The following PPARGC1A variants were observed in gnomAD, a reference collection of about 807,000 sequenced individuals.
The protein encoded by PPARGC1A is peroxisome proliferator-activated receptor gamma coactivator 1-alpha.
In PPARGC1A, 25 loss-of-function variants were observed where a neutral mutation model predicts 88.7. That is an observed-to-expected ratio of 0.28 (90% CI 0.21 to 0.39). The LOEUF is 0.39. Among genes scored for constraint, PPARGC1A ranks in the 10% least tolerant of loss-of-function variants. PPARGC1A has a pLI of 1.00. For missense variants in PPARGC1A, 880 were observed against 968.7 expected, an observed-to-expected ratio of 0.91 and a Z score of 1.22; for synonymous variants, 363 against 355.6, an observed-to-expected ratio of 1.02 and a Z score of -0.24.
chr4:24,305,203 G>A, the PPARGC1A span, among the ~76,000 whole-genome samples: 41,878 of 147,234 alleles, frequency 0.28, 6,249 homozygotes, highest in Middle Eastern at 0.34. Flanking sequence ...TCCCAAAGTC[G>A]TGGTTTTTTT....
At chr4:24,118,963 C>T in the PPARGC1A span, among the ~76,000 whole-genome samples, 1 of 152,188 alleles carries the variant, frequency 6.6e-6, no homozygotes, top group Admixed American at 6.5e-5. Context: ...AATTTGTCCT[C>T]ATTTTGTTCT....
At chr4:24,354,689 A>T in the PPARGC1A span, among the ~76,000 whole-genome samples, 1 of 152,140 alleles carries the variant, frequency 6.6e-6, no homozygotes, top group Non-Finnish European at 1.5e-5. Context: ...GATCAAGACC[A>T]TACTGGCTAA....
the PPARGC1A span, among the ~76,000 whole-genome samples, chr4:24,355,208 T>G: frequency 2.0e-5 from 3 of 152,196 alleles, no homozygotes; most frequent in African/African-American, 7.2e-5. Context: ...TTAAAAGCCT[T>G]GTCCATCATC....
At chr4:24,033,610 A>G in the PPARGC1A span, among the ~76,000 whole-genome samples, 1 of 152,222 alleles carries the variant, frequency 6.6e-6, no homozygotes, top group South Asian at 2.1e-4. Flanking sequence ...TCTCTGACAT[A>G]AGCCACCTTT....
chr4:24,344,352 T>A, the PPARGC1A span, among the ~76,000 whole-genome samples: 2 of 152,324 alleles, frequency 1.3e-5, no homozygotes, highest in East Asian at 3.9e-4. Context: ...CTGTACTAGT[T>A]TACATTCCCA....
the PPARGC1A span, among the ~76,000 whole-genome samples, chr4:24,450,073 T>C: frequency 6.6e-6 from 1 of 152,224 alleles, no homozygotes; most frequent in Non-Finnish European, 1.5e-5. Flanking sequence ...TAGAAAATAT[T>C]TTATTGAAAC....
chr4:24,054,836 A>G, the PPARGC1A span, among the ~76,000 whole-genome samples: 3 of 152,214 alleles, frequency 2.0e-5, no homozygotes, highest in Admixed American at 2.0e-4. Flanking sequence ...AATGCTTTTA[A>G]GCAGGCAGTG....
the PPARGC1A span, among the ~76,000 whole-genome samples, chr4:24,471,132 G>A: frequency 6.6e-6 from 1 of 151,756 alleles, no homozygotes; most frequent in Non-Finnish European, 1.5e-5. The surrounding 1 kb of genome is among the most constrained non-coding windows in gnomAD (Gnocchi z 5.4). Flanking sequence ...CGGGCTGAAC[G>A]GAGCTCTTTT....
the PPARGC1A span, among the ~76,000 whole-genome samples, chr4:24,242,142 T>C: frequency 6.6e-6 from 1 of 152,202 alleles, no homozygotes. Context: ...TTACACTGGA[T>C]GTTCCAGCCT....
the PPARGC1A span, among the ~76,000 whole-genome samples, chr4:24,370,816 AG>A: frequency 8.1e-6 from 1 of 123,006 alleles, no homozygotes. Context: ...CAGAACATGC[AG>A]GTTTGTTACA....
At chr4:24,174,316 C>T in the PPARGC1A span, among the ~76,000 whole-genome samples, 329 of 152,264 alleles carry the variant, frequency 2.2e-3, 2 homozygotes, top group Middle Eastern at 0.017. Context: ...TCACCTGAGA[C>T]GCTTATTAAA....
At chr4:23,840,001 CG>C (rs1304485485) in intron 2 of PPARGC1A, among the ~76,000 whole-genome samples, 1 of 151,982 alleles carries the variant, frequency 6.6e-6, no homozygotes, top group Non-Finnish European at 1.5e-5. Flanking sequence ...CAAACCATAT[CG>C]GTTCCTAACT....
the PPARGC1A span, among the ~76,000 whole-genome samples, chr4:24,370,140 T>C: frequency 6.6e-6 from 1 of 152,246 alleles, no homozygotes; most frequent in African/African-American, 2.4e-5. Flanking sequence ...GGTGTTCTTT[T>C]AACATTTTTT....
the PPARGC1A span, among the ~76,000 whole-genome samples, chr4:24,309,297 G>C: frequency 6.6e-6 from 1 of 152,168 alleles, no homozygotes; most frequent in Non-Finnish European, 1.5e-5. Flanking sequence ...TAAAAAGGAG[G>C]AGGAGAAGGA....
chr4:24,059,384 C>T, the PPARGC1A span, among the ~76,000 whole-genome samples: 1 of 152,164 alleles, frequency 6.6e-6, no homozygotes, highest in African/African-American at 2.4e-5. Flanking sequence ...AGGATTAATG[C>T]TCACCCAAGT....
chr4:24,314,020 A>C, the PPARGC1A span, among the ~76,000 whole-genome samples: 1 of 152,266 alleles, frequency 6.6e-6, no homozygotes, highest in Non-Finnish European at 1.5e-5. Context: ...ATGCAATTGA[A>C]GAAAAAATAA....
chr4:24,004,698 A>G, the PPARGC1A span, among the ~76,000 whole-genome samples: 1 of 152,200 alleles, frequency 6.6e-6, no homozygotes. Context: ...AAATAATTCA[A>G]CAGTTGAAGA....
At chr4:23,975,624 G>A in the PPARGC1A span, among the ~76,000 whole-genome samples, 2,099 of 152,204 alleles carry the variant, frequency 0.014, 46 homozygotes, top group South Asian at 0.11. Flanking sequence ...CACGATGTTG[G>A]CCAGGCTGGT....
the PPARGC1A span, among the ~76,000 whole-genome samples, chr4:24,462,645 A>C: frequency 6.6e-6 from 1 of 151,704 alleles, no homozygotes; most frequent in African/African-American, 2.4e-5. Context: ...GAAATGAGTG[A>C]ATCCATGTAA....
Sources: gnomAD v4.1 joint callset for allele counts (sites outside exome capture counted in the v4.1 genomes callset) on GRCh38, gnomAD v4.1.1 for gene constraint, Gnocchi (gnomAD v3.1) non-coding constraint, MANE v1.5 for transcripts, NCBI Gene and HGNC (gene_info 2026-07-23, HGNC 2026-07-21) for gene names.